Variants in KATNAL1 observed in about 807,000 individuals in gnomAD.
KATNAL1 encodes katanin p60 ATPase-containing subunit A-like 1.
KATNAL1 carries 32 observed loss-of-function variants against 55.2 expected under a neutral mutation model. That is an observed-to-expected ratio of 0.58 (90% CI 0.44 to 0.78). KATNAL1 has a LOEUF of 0.78. Ranked by LOEUF, KATNAL1 falls within the 30% of genes least tolerant of loss-of-function variation. KATNAL1 has a pLI of 0.00. For missense variants in KATNAL1, 466 were observed against 600.9 expected, an observed-to-expected ratio of 0.78 and a Z score of 2.35; for synonymous variants, 193 against 193.6, an observed-to-expected ratio of 1.00 and a Z score of 0.02.
rs1873353086 is a variant in KATNAL1, at chr13:30,208,447, T to A, written c.*93A>T. 8.8e-7 allele frequency: 1 copy of A among 1,132,562 alleles called. No individual in the cohort carries two copies. The highest frequency in any genetic ancestry group is 1.6e-5 in the African/African-American group (1 of 63,882). The allele number at this position is 1,132,562 out of a possible 1,614,324, so 70.2% of individuals were successfully genotyped here. On this transcript the variant is annotated 3_prime_UTR_variant, in exon 11 of 11. Transcript: ENST00000380615. Reference sequence around the variant, plus strand: ...TTCCTTTAAGCGAAAACCACTCCACTGAAAAAAATTCCAAACTTGTTTTTT... The same window carrying A: ...TTCCTTTAAGCGAAAACCACTCCACAGAAAAAAATTCCAAACTTGTTTTTT...
intron 3 of KATNAL1, among the ~76,000 whole-genome samples, chr13:30,257,743 A>T (rs1408023598): frequency 6.6e-6 from 1 of 152,166 alleles, no homozygotes; most frequent in Admixed American, 6.5e-5. Flanking sequence ...CTGCCACTGA[A>T]TATTCTGATG....
At chr13:30,246,848 C>T (rs1356766491) in intron 4 of KATNAL1, among the ~76,000 whole-genome samples, 1 of 151,824 alleles carries the variant, frequency 6.6e-6, no homozygotes, top group Admixed American at 6.6e-5. Context: ...GAGATACCAT[C>T]TCACACAATT....
At chr13:30,276,036 T>C (rs1181772579) in intron 3 of KATNAL1, among the ~76,000 whole-genome samples, 1 of 152,194 alleles carries the variant, frequency 6.6e-6, no homozygotes, top group Non-Finnish European at 1.5e-5. Context: ...TAAGCCTACA[T>C]GTAAACTATT....
At chr13:30,301,244 C>T (rs1325806647) in intron 1 of KATNAL1, among the ~76,000 whole-genome samples, 1 of 152,162 alleles carries the variant, frequency 6.6e-6, no homozygotes, top group Non-Finnish European at 1.5e-5. Context: ...GTAGCGAGTG[C>T]CTGTGGTCCC....
Position 30,256,481 on chromosome 13 carries a change from T to C in KATNAL1, c.324-866A>G, listed in dbSNP as rs528291057. 2.6e-5 allele frequency among the ~76,000 whole-genome samples: 4 copies of C among 152,306 alleles called. 1 individual carries two copies. In the East Asian group the frequency reaches 7.7e-4, roughly 29 times the overall value. On this transcript the variant is annotated intron_variant, in intron 3 of 10. Transcript: ENST00000380615. Reference sequence around the variant, plus strand: ...TTCTCTTTCTATAGCTATGTATGTATCTGTAGCCCTCTAGATCCCATATGT... The same window carrying C: ...TTCTCTTTCTATAGCTATGTATGTACCTGTAGCCCTCTAGATCCCATATGT...
Position 30,258,902 on chromosome 13 carries a change from TA to T in KATNAL1, c.324-3288del, listed in dbSNP as rs564834328. ...AATCATTAAGGATAACTTCTGGTTC[TA>T]AAAAGGACTTTAGAATTTTTTAATT... On this transcript the variant is annotated intron_variant, in intron 3 of 10. Transcript: ENST00000380615. Among the ~76,000 whole-genome samples the T allele has an allele frequency of 1.7e-3, 257 of 152,348 alleles. 1 individual carries two copies. The highest frequency in any genetic ancestry group is 5.7e-3 in the African/African-American group (239 of 41,590).
chr13:30,259,519 C>T (rs1321317333), intron 3 of KATNAL1, among the ~76,000 whole-genome samples: 3 of 152,078 alleles, frequency 2.0e-5, no homozygotes, highest in Non-Finnish European at 2.9e-5. Flanking sequence ...GTGTGCGCAC[C>T]GTGCACGAGC....
At chr13:30,278,993 A>C (rs1256584017) in intron 3 of KATNAL1, among the ~76,000 whole-genome samples, 1 of 152,240 alleles carries the variant, frequency 6.6e-6, no homozygotes, top group African/African-American at 2.4e-5. Flanking sequence ...AGTGGAAAAA[A>C]TCCAAAGGAA....
rs573307663 is a variant in KATNAL1 at position 30,202,970 on chromosome 13, T to C, written c.*5570A>G. On this transcript the variant is annotated 3_prime_UTR_variant, in exon 11 of 11. Coordinates refer to ENST00000380615, the MANE Select transcript of KATNAL1 (RefSeq NM_032116.5). Reference sequence around the variant, plus strand: ...AAATGTGACAAAAATGTGATGTTTTTCCAGGTTTGTGTGTTTTCATAAAGT... The same window carrying C: ...AAATGTGACAAAAATGTGATGTTTTCCCAGGTTTGTGTGTTTTCATAAAGT... 4 of 152,328 alleles carry C rather than the reference T, an allele frequency of 2.6e-5. No homozygotes were observed. The East Asian group carries it at 7.7e-4, about 29-fold the overall frequency. The allele number at this position is 152,328 out of a possible 1,614,324, so 9.4% of individuals were successfully genotyped here.
intron 6 of KATNAL1, among the ~76,000 whole-genome samples, chr13:30,235,975 C>T (rs1006379710): frequency 7.2e-5 from 11 of 151,748 alleles, no homozygotes; most frequent in African/African-American, 2.4e-4. Flanking sequence ...AAAAAGAAAA[C>T]ATTATTAAGA....
chr13:30,217,658 A>G (rs1368260786), intron 9 of KATNAL1, among the ~76,000 whole-genome samples: 1 of 152,158 alleles, frequency 6.6e-6, no homozygotes, highest in Non-Finnish European at 1.5e-5. Flanking sequence ...ACAGGAGACA[A>G]CAACTACATT....
intron 8 of KATNAL1, 68 bp downstream of exon 8, chr13:30,230,400 A>C: frequency 7.0e-7 from 1 of 1,438,830 alleles, no homozygotes. Flanking sequence ...TAATCCATCC[A>C]TTGATTATGA....
At chr13:30,247,039 G>C (rs772515629) in intron 4 of KATNAL1, among the ~76,000 whole-genome samples, 53 of 152,102 alleles carry the variant, frequency 3.5e-4, no homozygotes, top group Non-Finnish European at 1.9e-4. Flanking sequence ...AAAGTCCTAT[G>C]AGGTAGGTAC....
chr13:30,231,403 C>T lies in KATNAL1; in HGVS notation c.796G>A (p.Gly266Ser), dbSNP rs754088988. ...GACGAAACGTTGAAGAATGTTGTACCACATTCAGTGGCAACAGCTTTAGCT... is the reference window on the plus strand; with the variant it reads ...GACGAAACGTTGAAGAATGTTGTACTACATTCAGTGGCAACAGCTTTAGCT... The part of the protein sequence containing the change: ...MLAKAVATEC[G>S]TTFFNVSSST... The change falls in exon 7 of 11, where the codon GGT becomes AGT. Residue 266 changes from glycine to serine, a missense_variant. By Grantham distance (56) the Gly-to-Ser change is moderately conservative. This residue lies in a region of KATNAL1 where 213 missense variants were observed against 308.6 expected (regional missense o/e 0.69). Transcript: ENST00000380615. 2 of 1,608,100 alleles carry T rather than the reference C, an allele frequency of 1.2e-6. No homozygotes were observed. Among genetic ancestry groups the T allele is most frequent in the South Asian group, 2.2e-5 (2 of 89,478 alleles).
At chr13:30,234,927 T>G (rs1174622536) in intron 6 of KATNAL1, among the ~76,000 whole-genome samples, 3 of 152,192 alleles carry the variant, frequency 2.0e-5, no homozygotes, top group Non-Finnish European at 4.4e-5. Context: ...AGGTGACTCA[T>G]GGTGGCCCCC....
chr13:30,293,068 C>T (rs1451684380), intron 1 of KATNAL1, among the ~76,000 whole-genome samples: 1 of 152,032 alleles, frequency 6.6e-6, no homozygotes, highest in Non-Finnish European at 1.5e-5. Flanking sequence ...AAATTAATGT[C>T]TTTCCATTTT....
chr13:30,219,768 G>C (rs1874660964), intron 9 of KATNAL1, among the ~76,000 whole-genome samples: 1 of 152,124 alleles, frequency 6.6e-6, no homozygotes, highest in South Asian at 2.1e-4. Context: ...ACAAAGAGAA[G>C]CACCCCAAAG....
chr13:30,279,119 A>C (rs1881080336), intron 3 of KATNAL1, among the ~76,000 whole-genome samples: 1 of 152,202 alleles, frequency 6.6e-6, no homozygotes, highest in African/African-American at 2.4e-5. Context: ...GGCCATAATA[A>C]AGCAGACAGA....
chr13:30,249,265 T>C (rs1878081303), intron 4 of KATNAL1, among the ~76,000 whole-genome samples: 1 of 152,004 alleles, frequency 6.6e-6, no homozygotes, highest in Non-Finnish European at 1.5e-5. Context: ...CATCAAGTGT[T>C]GACAAGGATG....
Sources: allele counts gnomAD v4.1 joint callset (sites outside exome capture counted in the v4.1 genomes callset), GRCh38; gene constraint gnomAD v4.1.1; regional missense constraint gnomAD v4.1.1; transcripts MANE v1.5; gene names NCBI Gene and HGNC (gene_info 2026-07-23, HGNC 2026-07-21).